The following IDO1 variants were observed in gnomAD, a reference collection of about 807,000 sequenced individuals.
IDO1 encodes indolamine 2,3 dioxygenase.
IDO1 carries 35 observed loss-of-function variants against 38.8 expected under a neutral mutation model. The ratio of observed to expected loss-of-function variants is 0.90; its 90% CI spans 0.69 to 1.20. The LOEUF (loss-of-function observed/expected upper bound fraction) is 1.20. Ranked by LOEUF, IDO1 falls within the 50% of genes most tolerant of loss-of-function variation. The probability of loss-of-function intolerance (pLI) is 0.00; values close to 1 mark genes in which losing one functional copy is unlikely to be tolerated. For synonymous variants in IDO1, 171 were observed against 170.0 expected (o/e 1.01, Z -0.05); for missense variants, 509 against 485.1 (o/e 1.05, Z -0.46).
At chr8:39,921,272 G>C (rs1263562837) in intron 5 of IDO1, among the ~76,000 whole-genome samples, 1 of 152,012 alleles carries the variant, frequency 6.6e-6, no homozygotes, top group Non-Finnish European at 1.5e-5. Context: ...GGCCAACATA[G>C]TGAAAACCCT....
chr8:39,925,254 C>G lies in IDO1; in HGVS notation c.739C>G (p.Leu247Val), dbSNP rs761417963. ...AGGCAACCCCCAGCTATCAGACGGT[C>G]TGGTGTATGAAGGGTTCTGGGAAGA... ...WKGNPQLSDG[L>V]VYEGFWEDPK... Residue 247 changes from leucine (L) to valine (V), a missense_variant, in exon 9 of 10, where the codon CTG (leucine) becomes GTG (valine). By Grantham distance (32) the Leu-to-Val change is conservative. Transcript: ENST00000518237. The G allele has an allele frequency of 1.9e-5, 30 of 1,609,196 alleles. No individual in the cohort carries two copies. The South Asian group carries it at 3.1e-4, about 17-fold the overall frequency.
At chr8:39,918,746 C>CAAAAAA (rs1214540367) in intron 3 of IDO1, 69 bp from the exon 4 acceptor site, 129 of 294,356 alleles carry the variant, frequency 4.4e-4, no homozygotes, top group Admixed American at 8.8e-4. Flanking sequence ...GACTCCATCT[C>CAAAAAA]AAAAAAAAAA....
intron 4 of IDO1, among the ~76,000 whole-genome samples, chr8:39,919,577 C>T (rs554745486): frequency 2.4e-4 from 37 of 152,208 alleles, no homozygotes; most frequent in African/African-American, 7.2e-4. Context: ...CCAAAGCCCA[C>T]GTCTCTGGGT....
chr8:39,918,992 G>C (rs1235920432), intron 4 of IDO1, 59 bp downstream of exon 4: 8 of 1,038,124 alleles, frequency 7.7e-6, no homozygotes, highest in Non-Finnish European at 1.2e-5. Context: ...AAATAAAACA[G>C]GGGTTGTTCA....
chr8:39,928,153 A>G lies in IDO1; in HGVS notation c.1180A>G (p.Thr394Ala), dbSNP rs764960264. ...GAATTTCCTGAAGACTGTAAGAAGT[A>G]CAACTGAGAAATCCCTTTTGAAGGA... ...LMNFLKTVRS[T>A]TEKSLLKEG Residue 394 changes from threonine to alanine, a missense_variant, in exon 10 of 10, where the codon ACA becomes GCA. Transcript: ENST00000518237. 17 of 1,612,184 alleles carry G rather than the reference A, an allele frequency of 1.1e-5. No individual in the cohort carries two copies. In the South Asian group the frequency reaches 1.8e-4, roughly 17 times the overall value.
rs1398553801 is a variant in IDO1, at chr8:39,928,246, A to G, written c.*61A>G. ...GACATCTGTATGCATTCCTGTCATT[A>G]CCCATTGTAACAGAGCCACAAACTA... On this transcript the variant is annotated 3_prime_UTR_variant, in exon 10 of 10. Coordinates refer to ENST00000518237, the MANE Select transcript of IDO1 (RefSeq NM_002164.6). The G allele has an allele frequency of 8.5e-7, 1 of 1,175,524 alleles. No individual in the cohort carries two copies. Among genetic ancestry groups the G allele is most frequent in the Non-Finnish European group, 1.2e-6 (1 of 831,320 alleles). The allele number at this position is 1,175,524 out of a possible 1,614,324, so 72.8% of individuals were successfully genotyped here.
chr8:39,922,864 C>T, intron 6 of IDO1: 2 of 557,224 alleles, frequency 3.6e-6, no homozygotes, highest in Non-Finnish European at 6.3e-6. Context: ...CAACTTGAAA[C>T]CTCTGTAGGA....
chr8:39,920,468 A>G (rs544550241), intron 5 of IDO1, among the ~76,000 whole-genome samples: 2 of 152,300 alleles, frequency 1.3e-5, no homozygotes, highest in South Asian at 2.1e-4. Flanking sequence ...CCATATACCA[A>G]CTTGTTCTTT....
At chr8:39,915,510 A>G (rs1404443237) in intron 1 of IDO1, 1 of 152,164 alleles carries the variant, frequency 6.6e-6, no homozygotes, top group African/African-American at 2.4e-5. Context: ...CCTCCTTCCA[A>G]TCTAATTTTC....
rs1415844153 is a variant in IDO1 at position 39,928,344 on chromosome 8, C to G, written c.*159C>G. ...TACCTGTGCATTTCTTGTAGGAAAA[C>G]AACAAAAGGTAATTATGTGTAATTA... On this transcript the variant is annotated 3_prime_UTR_variant, in exon 10 of 10. Coordinates refer to ENST00000518237, the MANE Select transcript of IDO1 (RefSeq NM_002164.6). 2.0e-5 allele frequency: 11 copies of G among 561,322 alleles called. No homozygotes were observed. Among genetic ancestry groups the G allele is most frequent in the Admixed American group, 9.7e-5 (3 of 31,076 alleles). 34.8% of individuals were successfully genotyped at this position (561,322 alleles called of 1,614,324 possible).
Position 39,918,074 on chromosome 8 carries a change from C to T in IDO1, c.184-14C>T, listed in dbSNP as rs752292014. On this transcript the variant is annotated splice_polypyrimidine_tract_variant and intron_variant, in intron 2 of 9. Coordinates refer to ENST00000518237, the MANE Select transcript of IDO1 (RefSeq NM_002164.6). Reference sequence around the variant, plus strand: ...CTGAGATTGATTTGAGTCAATTGCTCCATTTGTTTTCAGTTAAACATGCTC... The same window carrying T: ...CTGAGATTGATTTGAGTCAATTGCTTCATTTGTTTTCAGTTAAACATGCTC... 1 of 1,613,710 alleles carries T rather than the reference C, an allele frequency of 6.2e-7. No individual in the cohort carries two copies. The highest frequency in any genetic ancestry group is 8.5e-7 in the Non-Finnish European group (1 of 1,179,740).
At chr8:39,914,065 G>A (rs1807137023) in intron 1 of IDO1, 56 bp downstream of exon 1, 9 of 1,268,068 alleles carry the variant, frequency 7.1e-6, no homozygotes, top group South Asian at 5.1e-5. Context: ...TTCCTTACCT[G>A]GCCAAGTTAA....
At chr8:39,926,244 C>G (rs1030298966) in intron 9 of IDO1, among the ~76,000 whole-genome samples, 4 of 152,142 alleles carry the variant, frequency 2.6e-5, no homozygotes, top group African/African-American at 9.7e-5. Flanking sequence ...ATTGGCAGAG[C>G]TTTCCTCACA....
intron 9 of IDO1, among the ~76,000 whole-genome samples, chr8:39,926,757 G>A (rs1807366430): frequency 6.6e-6 from 1 of 152,122 alleles, no homozygotes; most frequent in South Asian, 2.1e-4. Flanking sequence ...GGGTGATGCT[G>A]ATGTTTGGGC....
chr8:39,925,205 C>A lies in IDO1; in HGVS notation c.708-18C>A. The A allele has an allele frequency of 6.4e-7, 1 of 1,553,910 alleles. No homozygotes were observed. Among genetic ancestry groups the A allele is most frequent in the East Asian group, 2.3e-5 (1 of 44,158 alleles). ...CCTAAAGAATGATTTTTCTTTTTTT[C>A]TTTCTTTCCTCTGATAGCTGGAAAG... is the stretch of plus-strand genomic sequence containing the variant. On this transcript the variant is annotated intron_variant, in intron 8 of 9. Transcript: ENST00000518237.
chr8:39,928,052 A>T lies in IDO1; in HGVS notation c.1079A>T (p.Gln360Leu). 6.2e-7 allele frequency: 1 copy of T among 1,610,978 alleles called. No individual in the cohort carries two copies. The highest frequency in any genetic ancestry group is 1.1e-5 in the South Asian group (1 of 90,290). The change falls in exon 10 of 10, where the codon CAG becomes CTG. Residue 360 changes from glutamine to leucine, a missense_variant. By Grantham distance (113) the Gln-to-Leu change is moderately radical. Transcript: ENST00000518237. ...VTKYILIPAS[Q>L]QPKENKTSED... ...AAGTACATCCTGATTCCTGCAAGCC[A>T]GCAGCCAAAGGAGAATAAGACCTCT...
At chr8:39,923,371 C>A in intron 6 of IDO1, 98 bp from the exon 7 acceptor site, 1 of 706,708 alleles carries the variant, frequency 1.4e-6, no homozygotes, top group Non-Finnish European at 2.3e-6. Context: ...GCCACTGCAC[C>A]CCAGCCTGGA....
chr8:39,916,873 T>C (rs1324825188), intron 1 of IDO1, among the ~76,000 whole-genome samples: 2 of 152,212 alleles, frequency 1.3e-5, no homozygotes, highest in Non-Finnish European at 2.9e-5. Flanking sequence ...CAAAAAAGTA[T>C]TCTGTTATTT....
Position 39,922,609 on chromosome 8 carries a change from G to A in IDO1, c.495G>A (p.Leu165=). 1 of 1,613,512 alleles carries A rather than the reference G, an allele frequency of 6.2e-7. No individual in the cohort carries two copies. Among genetic ancestry groups the A allele is most frequent in the East Asian group, 2.2e-5 (1 of 44,866 alleles). Residue 165 remains leucine (L), a synonymous_variant, in exon 6 of 10, where the codon CTG becomes CTA. Transcript: ENST00000518237. The part of the protein sequence containing the change: ...RDGDCSKGFF[L]VSLLVEIAAA... ...GAGACTGCAGTAAAGGATTCTTCCT[G>A]GTCTCTCTATTGGTGGAAATAGCAG... is the stretch of plus-strand genomic sequence containing the variant.
Sources: allele counts gnomAD v4.1 joint callset (sites outside exome capture counted in the v4.1 genomes callset), GRCh38; gene constraint gnomAD v4.1.1; transcripts MANE v1.5; gene names NCBI Gene and HGNC (gene_info 2026-07-23, HGNC 2026-07-21).